Variants in AXL observed in about 807,000 individuals in gnomAD.
AXL encodes AXL receptor tyrosine kinase.
AXL carries 52 observed loss-of-function variants against 104.5 expected under a neutral mutation model. The observed-to-expected ratio is 0.50, with a 90% CI of 0.40 to 0.63. The LOEUF is 0.63. AXL is among the 20% of genes least tolerant of loss of function. AXL has a pLI of 0.00. For missense variants in AXL, 1,024 were observed against 1,188.5 expected, an observed-to-expected ratio of 0.86 and a Z score of 2.04; for synonymous variants, 455 against 473.7, an observed-to-expected ratio of 0.96 and a Z score of 0.51.
intron 1 of AXL, among the ~76,000 whole-genome samples, chr19:41,219,827 G>A (rs1237291070): frequency 6.6e-6 from 1 of 151,712 alleles, no homozygotes; most frequent in African/African-American, 2.4e-5. Context: ...AAATCTTTCC[G>A]AAGGGGCACC....
intron 10 of AXL, among the ~76,000 whole-genome samples, chr19:41,240,935 G>A (rs2034171036): frequency 6.6e-6 from 1 of 151,798 alleles, no homozygotes; most frequent in African/African-American, 2.4e-5. Context: ...CACTCACCCT[G>A]AACCCCTTGC....
chr19:41,235,208 G>A (rs1486628996), intron 6 of AXL, among the ~76,000 whole-genome samples: 3 of 151,994 alleles, frequency 2.0e-5, no homozygotes, highest in Non-Finnish European at 2.9e-5. Context: ...AGAATTAGCC[G>A]GGTGTGGTGG....
chr19:41,238,294 A>C, intron 7 of AXL, 140 bp downstream of exon 7: 1 of 1,420,772 alleles, frequency 7.0e-7, no homozygotes, highest in Non-Finnish European at 9.8e-7. Flanking sequence ...ACCCCTCAGC[A>C]GCACTGCCCG....
chr19:41,233,879 C>T (rs1370821961), intron 6 of AXL, among the ~76,000 whole-genome samples: 1 of 151,962 alleles, frequency 6.6e-6, no homozygotes, highest in Non-Finnish European at 1.5e-5. Flanking sequence ...AGAAGTGTGT[C>T]CTCTTCCCTT....
intron 4 of AXL, among the ~76,000 whole-genome samples, chr19:41,223,917 T>C (rs1363291370): frequency 1.3e-5 from 2 of 152,040 alleles, no homozygotes; most frequent in East Asian, 1.9e-4. Context: ...GCACAACCTC[T>C]GTGTGAGGGT....
chr19:41,248,748 T>C lies in AXL; in HGVS notation c.1639T>C (p.Phe547Leu). The C allele has an allele frequency of 6.2e-7, 1 of 1,613,926 alleles. No homozygotes were observed. The highest frequency in any genetic ancestry group is 8.5e-7 in the Non-Finnish European group (1 of 1,179,984). Residue 547 changes from phenylalanine to leucine, a missense_variant, in exon 14 of 20, where the codon TTT becomes CTT. Around this residue, in one of 5 missense-constraint regions of AXL, gnomAD observed 523 missense variants for 636.0 expected, o/e 0.82. Transcript: ENST00000301178. ...CTCCCTCTGGCCCCCCACAGGAGAG[T>C]TTGGAGCTGTGATGGAAGGCCAGCT... Reference protein sequence around the residue: ...ALGKTLGEGEFGAVMEGQLNQ... With the variant: ...ALGKTLGEGELGAVMEGQLNQ...
chr19:41,257,747 A>G, intron 19 of AXL, 118 bp downstream of exon 19: 1 of 1,353,246 alleles, frequency 7.4e-7, no homozygotes, highest in East Asian at 2.3e-5. Context: ...GAGAATGCTG[A>G]GTGACCCACT....
At chr19:41,252,792 G>C in intron 15 of AXL, 54 bp from the exon 16 acceptor site, 1 of 1,607,960 alleles carries the variant, frequency 6.2e-7, no homozygotes, top group Non-Finnish European at 8.5e-7. Context: ...CTGGTGGGGG[G>C]CTTGGCTTCC....
intron 19 of AXL, 64 bp from the exon 20 acceptor site, chr19:41,259,489 G>C (rs904362090): frequency 7.0e-7 from 1 of 1,420,034 alleles, no homozygotes; most frequent in East Asian, 2.3e-5. Context: ...ATGTCCCCAG[G>C]CTTCCAGAAT....
At chr19:41,251,578 A>T (rs2034362069) in intron 14 of AXL, among the ~76,000 whole-genome samples, 1 of 151,206 alleles carries the variant, frequency 6.6e-6, no homozygotes, top group African/African-American at 2.4e-5. Flanking sequence ...AAAAAAAAAA[A>T]TTATCCGGGA....
intron 6 of AXL, among the ~76,000 whole-genome samples, chr19:41,234,386 C>T (rs533582718): frequency 2.6e-5 from 4 of 152,026 alleles, no homozygotes; most frequent in South Asian, 2.1e-4. Flanking sequence ...TTTGGGAGGC[C>T]GAGGCAGGTG....
At position 41,220,632 on chromosome 19, in the gene AXL, C is replaced by T; in HGVS notation, c.86-4C>T. On this transcript the variant is annotated splice_polypyrimidine_tract_variant and splice_region_variant and intron_variant, in intron 1 of 19. Transcript: ENST00000301178. ...TAAGCTAACTCTTCCCATCTCCCCTCCAGGCACGCAGGCTGAAGAAAGTCC... is the reference window on the plus strand; with the variant it reads ...TAAGCTAACTCTTCCCATCTCCCCTTCAGGCACGCAGGCTGAAGAAAGTCC... 2 of 1,563,490 alleles carry T rather than the reference C, an allele frequency of 1.3e-6. No homozygotes were observed. The highest frequency in any genetic ancestry group is 1.7e-6 in the Non-Finnish European group (2 of 1,153,434).
At position 41,220,877 on chromosome 19, in the gene AXL, G is replaced by A. The variant is rs779838779; in HGVS notation, c.308+19G>A. 1 of 1,610,062 alleles carries A rather than the reference G, an allele frequency of 6.2e-7. No homozygotes were observed. The highest frequency in any genetic ancestry group is 1.1e-5 in the South Asian group (1 of 90,734). ...AGCTCAGGTGTGTGGCCACATCCCC[G>A]AATCCCACTCCCACCTCCGTCACAC... On this transcript the variant is annotated intron_variant, in intron 2 of 19. Coordinates refer to ENST00000301178, the MANE Select transcript of AXL (RefSeq NM_021913.5).
chr19:41,233,653 T>G (rs1381599081), intron 6 of AXL, among the ~76,000 whole-genome samples: 5 of 145,620 alleles, frequency 3.4e-5, no homozygotes, highest in African/African-American at 1.3e-4. Flanking sequence ...CAAAAAACAG[T>G]GGCTATTAAT....
At chr19:41,252,735 T>C (rs986050381) in intron 15 of AXL, 111 bp from the exon 16 acceptor site, 39 of 1,548,060 alleles carry the variant, frequency 2.5e-5, no homozygotes, top group Non-Finnish European at 3.1e-5. Context: ...CCAAACAATA[T>C]GGTGGCCAGA....
rs1387189380 is a variant in AXL at position 41,253,099 on chromosome 19, A to AG, written c.1926+136dup. 3.1e-5 allele frequency: 29 copies of AG among 949,718 alleles called. No homozygotes were observed. In the African/African-American group the frequency reaches 4.3e-4, roughly 14 times the overall value. The allele number at this position is 949,718 out of a possible 1,614,324, so 58.8% of individuals were successfully genotyped here. On this transcript the variant is annotated intron_variant, in intron 16 of 19. Transcript: ENST00000301178. ...CCTGGAGCATTTCTTCCAGCAGGGG[A>AG]GGGGCGGATGATAAACAAGCTAATA... is the stretch of plus-strand genomic sequence containing the variant.
chr19:41,243,054 A>T, intron 11 of AXL, 39 bp downstream of exon 11: 1 of 1,613,362 alleles, frequency 6.2e-7, no homozygotes, highest in South Asian at 1.1e-5. Context: ...GTGGCCTGGG[A>T]TGGAGAGGCT....
At chr19:41,254,728 G>T (rs988701622) in intron 17 of AXL, among the ~76,000 whole-genome samples, 1 of 152,048 alleles carries the variant, frequency 6.6e-6, no homozygotes, top group East Asian at 1.9e-4. Context: ...AGACCAGCCT[G>T]GGCAACATAG....
chr19:41,225,541 C>G (rs2033864271), intron 4 of AXL, among the ~76,000 whole-genome samples: 1 of 152,158 alleles, frequency 6.6e-6, no homozygotes, highest in South Asian at 2.1e-4. Context: ...ATTTAAGTTT[C>G]TGTGTGTGTT....
Sources: allele counts gnomAD v4.1 joint callset (sites outside exome capture counted in the v4.1 genomes callset), GRCh38; gene constraint gnomAD v4.1.1; regional missense constraint gnomAD v4.1.1; transcripts MANE v1.5; gene names NCBI Gene and HGNC (gene_info 2026-07-23, HGNC 2026-07-21).